TNFRSF19: variants seen among roughly 807,000 people sequenced by gnomAD.
TNFRSF19 encodes tumor necrosis factor receptor superfamily member 19.
In TNFRSF19, 27 loss-of-function variants were observed where a neutral mutation model predicts 46.4. That is an observed-to-expected ratio of 0.58 (90% CI 0.43 to 0.80). TNFRSF19 has a LOEUF of 0.80. Ranked by LOEUF, TNFRSF19 falls within the 30% of genes least tolerant of loss-of-function variation. The pLI is 0.00. For missense variants in TNFRSF19, 511 were observed against 530.8 expected (o/e 0.96, Z 0.37); for synonymous variants, 204 against 205.0 (o/e 1.00, Z 0.04).
chr13:23,655,623 AACAAT>A (rs915006376), intron 5 of TNFRSF19, among the ~76,000 whole-genome samples: 17 of 152,262 alleles, frequency 1.1e-4, no homozygotes, highest in African/African-American at 2.6e-4. Flanking sequence ...AGGTTAGCAA[AACAAT>A]ACCTTTTCCT....
At chr13:23,591,897 T>G (rs1879337018) in intron 2 of TNFRSF19, among the ~76,000 whole-genome samples, 1 of 152,076 alleles carries the variant, frequency 6.6e-6, no homozygotes, top group South Asian at 2.1e-4. Context: ...TAGCTAATTT[T>G]TGTATTTTTG....
At chr13:23,631,554 T>C (rs528732047) in intron 5 of TNFRSF19, among the ~76,000 whole-genome samples, 54 of 152,374 alleles carry the variant, frequency 3.5e-4, no homozygotes, top group South Asian at 2.7e-3. Context: ...TAACGATGGA[T>C]GTCCATGAGT....
intron 1 of TNFRSF19, among the ~76,000 whole-genome samples, chr13:23,578,641 G>GTT (rs777293398): frequency 1.3e-5 from 2 of 152,216 alleles, no homozygotes; most frequent in Non-Finnish European, 2.9e-5. Flanking sequence ...GTCATGCACC[G>GTT]TATCTTGGGT....
chr13:23,590,577 C>T (rs948790141), intron 2 of TNFRSF19, among the ~76,000 whole-genome samples: 2 of 152,184 alleles, frequency 1.3e-5, no homozygotes, highest in African/African-American at 2.4e-5. Context: ...TCAGGTGATC[C>T]GCCTGCTTTG....
intron 1 of TNFRSF19, among the ~76,000 whole-genome samples, chr13:23,579,137 T>G (rs1420308492): frequency 6.6e-6 from 1 of 151,644 alleles, no homozygotes; most frequent in Non-Finnish European, 1.5e-5. Flanking sequence ...CGGTCCCCCA[T>G]CCCCAAGCCC....
chr13:23,659,144 C>G lies in TNFRSF19; in HGVS notation c.540C>G (p.Thr180=), dbSNP rs765729212. The change falls in exon 6 of 10, where the codon ACC becomes ACG. Residue 180 remains threonine (T), a synonymous_variant. Transcript: ENST00000248484. This position sits in a 1 kb window ranked among gnomAD's most constrained non-coding sequence, Gnocchi z 4.9. ...CCGTTATCTGCAGCGCTCTGGCCAC[C>G]GTCCTGCTGGCCCTGCTCATCCTCT... ...LAAVICSALA[T]VLLALLILCV... is the part of the protein sequence containing the mutation. 7 of 1,614,148 alleles carry G rather than the reference C, an allele frequency of 4.3e-6. No individual in the cohort carries two copies. The highest frequency in any genetic ancestry group is 5.9e-6 in the Non-Finnish European group (7 of 1,180,038).
At chr13:23,607,949 A>AT (rs1880627701) in intron 3 of TNFRSF19, among the ~76,000 whole-genome samples, 1 of 152,026 alleles carries the variant, frequency 6.6e-6, no homozygotes, top group Non-Finnish European at 1.5e-5. Flanking sequence ...ATTCAATTCT[A>AT]TTTTTTCCCA....
At chr13:23,605,054 T>C (rs1451750293) in intron 3 of TNFRSF19, among the ~76,000 whole-genome samples, 2 of 152,182 alleles carry the variant, frequency 1.3e-5, no homozygotes, top group African/African-American at 4.8e-5. Flanking sequence ...TGGAAAACAT[T>C]TGTAAAAGAT....
intron 7 of TNFRSF19, among the ~76,000 whole-genome samples, chr13:23,661,524 G>A (rs1884367370): frequency 6.6e-6 from 1 of 152,182 alleles, no homozygotes; most frequent in Non-Finnish European, 1.5e-5. Flanking sequence ...TGTCTTTATG[G>A]TAGAGTGATT....
chr13:23,592,858 A>G (rs1036477972), intron 2 of TNFRSF19, among the ~76,000 whole-genome samples: 40 of 152,218 alleles, frequency 2.6e-4, no homozygotes, highest in Non-Finnish European at 5.9e-5. Flanking sequence ...GGCTATACTA[A>G]TTATTCAATT....
chr13:23,633,613 C>A (rs963308510), intron 5 of TNFRSF19, among the ~76,000 whole-genome samples: 1 of 152,148 alleles, frequency 6.6e-6, no homozygotes, highest in Non-Finnish European at 1.5e-5. Context: ...CTTTGGGTGG[C>A]CAAGGTGGGT....
At chr13:23,610,626 T>C (rs907401436) in intron 3 of TNFRSF19, among the ~76,000 whole-genome samples, 1 of 152,050 alleles carries the variant, frequency 6.6e-6, no homozygotes, top group African/African-American at 2.4e-5. Flanking sequence ...TTTTAAAGTA[T>C]TTAGGAAATA....
chr13:23,619,602 A>G (rs1881522040), intron 4 of TNFRSF19, among the ~76,000 whole-genome samples: 1 of 152,192 alleles, frequency 6.6e-6, no homozygotes, highest in Non-Finnish European at 1.5e-5. Context: ...ACCTGTGATG[A>G]TATCTATGGA....
At chr13:23,622,690 C>A (rs1015515688) in intron 4 of TNFRSF19, among the ~76,000 whole-genome samples, 10 of 151,968 alleles carry the variant, frequency 6.6e-5, no homozygotes, top group African/African-American at 1.9e-4. Flanking sequence ...TTTCTGTATC[C>A]CCAATATTTA....
chr13:23,665,101 G>A (rs1951601701), intron 7 of TNFRSF19, among the ~76,000 whole-genome samples: 1 of 152,076 alleles, frequency 6.6e-6, no homozygotes, highest in African/African-American at 2.4e-5. Context: ...TGTGGATCTA[G>A]TTTTGCCTTT....
chr13:23,573,501 A>T (rs188523797), intron 1 of TNFRSF19, among the ~76,000 whole-genome samples: 18 of 152,348 alleles, frequency 1.2e-4, no homozygotes, highest in Non-Finnish European at 2.1e-4. Context: ...GTGTGTGTAC[A>T]TACGAGTTTG....
At chr13:23,635,767 G>A (rs1882638801) in intron 5 of TNFRSF19, among the ~76,000 whole-genome samples, 1 of 152,142 alleles carries the variant, frequency 6.6e-6, no homozygotes, top group African/African-American at 2.4e-5. Context: ...TCTATTGTAA[G>A]TCATGCAGCA....
At chr13:23,653,376 T>C (rs1883769402) in intron 5 of TNFRSF19, among the ~76,000 whole-genome samples, 1 of 152,162 alleles carries the variant, frequency 6.6e-6, no homozygotes, top group African/African-American at 2.4e-5. Context: ...CTCCAACTCC[T>C]ACCTTGGGAG....
chr13:23,626,478 A>G (rs1226137609), intron 4 of TNFRSF19, among the ~76,000 whole-genome samples: 1 of 151,818 alleles, frequency 6.6e-6, no homozygotes, highest in Non-Finnish European at 1.5e-5. Context: ...CCACCCCAAT[A>G]TAGAAGAAGT....
Sources: allele counts gnomAD v4.1 joint callset (sites outside exome capture counted in the v4.1 genomes callset), GRCh38; gene constraint gnomAD v4.1.1; non-coding constraint Gnocchi (gnomAD v3.1); transcripts MANE v1.5; gene names NCBI Gene and HGNC (gene_info 2026-07-23, HGNC 2026-07-21).